The following SIPA1L3 variants were observed in gnomAD, a reference collection of about 807,000 sequenced individuals.
SIPA1L3 encodes the protein signal-induced proliferation-associated 1-like protein 3.
SIPA1L3 carries 59 observed loss-of-function variants against 150.1 expected under a neutral mutation model. That is an observed-to-expected ratio of 0.39 (90% CI 0.32 to 0.49). SIPA1L3 has a LOEUF of 0.49. Ranked by LOEUF, SIPA1L3 falls within the 20% of genes least tolerant of loss-of-function variation. SIPA1L3 has a pLI of 0.86. For missense variants in SIPA1L3, 2,211 were observed against 2,489.5 expected (o/e 0.89, Z 2.38); for synonymous variants, 1,070 against 1,077.6 (o/e 0.99, Z 0.14).
chr19:37,999,883 G>A (rs757122020), intron 1 of SIPA1L3, among the ~76,000 whole-genome samples: 94 of 152,274 alleles, frequency 6.2e-4, no homozygotes, highest in Non-Finnish European at 7.6e-4. Context: ...CCAGGGTCTT[G>A]AACAGTGTGG....
chr19:38,108,927 T>C (rs1970679634), intron 7 of SIPA1L3, among the ~76,000 whole-genome samples: 1 of 151,864 alleles, frequency 6.6e-6, no homozygotes, highest in Admixed American at 6.6e-5. Context: ...AGGTGCAGGT[T>C]GCAGTGAGCC....
At position 38,208,020 on chromosome 19, in the gene SIPA1L3, T is replaced by A. The variant is rs938051406; in HGVS notation, c.*1780T>A. On this transcript the variant is annotated 3_prime_UTR_variant, in exon 22 of 22. Coordinates refer to ENST00000222345, the MANE Select transcript of SIPA1L3 (RefSeq NM_015073.3). ...TCCCCCACCCCCACCCCTTAGACCC[T>A]CATCGGGTCCCTTTTTTTTTTTTTT... The A allele has an allele frequency of 1.9e-4, 1 of 5,240 alleles. No individual in the cohort carries two copies. Among genetic ancestry groups the A allele is most frequent in the Admixed American group, 2.3e-3 (1 of 442 alleles). The allele number at this position is 5,240 out of a possible 1,614,324, so 0.3% of individuals were successfully genotyped here.
chr19:38,126,050 T>C (rs1292056154), intron 9 of SIPA1L3, among the ~76,000 whole-genome samples: 1 of 152,108 alleles, frequency 6.6e-6, no homozygotes, highest in East Asian at 1.9e-4. Flanking sequence ...GGCGGGCTCC[T>C]GTAGTCCCAG....
At chr19:37,963,626 G>A (rs2046878731) in intron 1 of SIPA1L3, among the ~76,000 whole-genome samples, 1 of 152,200 alleles carries the variant, frequency 6.6e-6, no homozygotes, top group African/African-American at 2.4e-5. Flanking sequence ...GAAGTTCAGC[G>A]TTTATTTATT....
At chr19:37,996,137 G>A (rs1967634757) in intron 1 of SIPA1L3, among the ~76,000 whole-genome samples, 1 of 151,958 alleles carries the variant, frequency 6.6e-6, no homozygotes, top group African/African-American at 2.4e-5. Context: ...TACATTGCCA[G>A]GGCTGGTCTC....
chr19:37,912,630 G>A (rs545335193), intron 1 of SIPA1L3, among the ~76,000 whole-genome samples: 1 of 151,996 alleles, frequency 6.6e-6, no homozygotes, highest in Non-Finnish European at 1.5e-5. Flanking sequence ...CTAGTAGCTG[G>A]GGCTACAGGT....
intron 16 of SIPA1L3, among the ~76,000 whole-genome samples, chr19:38,189,329 A>C (rs7245788): frequency 0.22 from 34,038 of 151,698 alleles, 5,617 homozygotes; most frequent in African/African-American, 0.47. Context: ...TCACTGTGTT[A>C]CCCAGGCTGG....
chr19:38,080,176 C>T (rs888748641), intron 2 of SIPA1L3, among the ~76,000 whole-genome samples: 1 of 152,218 alleles, frequency 6.6e-6, no homozygotes, highest in Non-Finnish European at 1.5e-5. Flanking sequence ...CCTTCTGCAG[C>T]TTTCCTCCCC....
intron 1 of SIPA1L3, among the ~76,000 whole-genome samples, chr19:37,910,496 T>C (rs1346358920): frequency 6.8e-6 from 1 of 146,432 alleles, no homozygotes; most frequent in African/African-American, 2.6e-5. Context: ...AGCATTGCAC[T>C]CCAGCCTGTG....
intron 19 of SIPA1L3, 62 bp from the exon 20 acceptor site, chr19:38,201,800 G>A (rs530844613): frequency 2.5e-5 from 39 of 1,532,394 alleles, no homozygotes; most frequent in African/African-American, 4.1e-5. Context: ...GGCGTGGTCC[G>A]TCTGTTGCGG....
intron 2 of SIPA1L3, among the ~76,000 whole-genome samples, chr19:38,057,083 C>A (rs922522929): frequency 6.6e-6 from 1 of 151,974 alleles, no homozygotes; most frequent in Non-Finnish European, 1.5e-5. Context: ...CCAGTCTGGC[C>A]AACATGGCGA....
At chr19:38,174,252 A>G (rs975043167) in intron 15 of SIPA1L3, among the ~76,000 whole-genome samples, 2 of 152,102 alleles carry the variant, frequency 1.3e-5, no homozygotes, top group African/African-American at 4.8e-5. Context: ...CTTCTGCCCC[A>G]CAGGCCACAG....
In SIPA1L3 at chr19:38,082,600, G is replaced by C. The variant is rs766524038; in HGVS notation, c.1035G>C (p.Val345=). ...VCQKSFAHFD[V]QSMLFDLNEA... ...AGAAGAGCTTCGCCCACTTCGACGTGCAGAGCATGCTGTTCGACCTCAACG... is the reference window on the plus strand; with the variant it reads ...AGAAGAGCTTCGCCCACTTCGACGTCCAGAGCATGCTGTTCGACCTCAACG... Residue 345 remains valine (V), a synonymous_variant, in exon 3 of 22, where the codon GTG becomes GTC. Coordinates refer to ENST00000222345, the MANE Select transcript of SIPA1L3 (RefSeq NM_015073.3). The C allele has an allele frequency of 1.9e-6, 3 of 1,604,258 alleles. No homozygotes were observed. Among genetic ancestry groups the C allele is most frequent in the Non-Finnish European group, 2.5e-6 (3 of 1,179,768 alleles).
At chr19:38,199,431 T>C (rs908484431) in intron 19 of SIPA1L3, among the ~76,000 whole-genome samples, 2 of 152,180 alleles carry the variant, frequency 1.3e-5, no homozygotes, top group Non-Finnish European at 2.9e-5. Flanking sequence ...CAGAGCCCCT[T>C]ACCCACTCCC....
chr19:38,074,749 TGTG>T, intron 2 of SIPA1L3, among the ~76,000 whole-genome samples: 1 of 152,240 alleles, frequency 6.6e-6, no homozygotes, highest in Non-Finnish European at 1.5e-5. Context: ...TGTGTGTGTA[TGTG>T]GTGTTTTGTT....
At chr19:38,052,178 G>T (rs1969209864) in intron 2 of SIPA1L3, among the ~76,000 whole-genome samples, 1 of 152,188 alleles carries the variant, frequency 6.6e-6, no homozygotes, top group African/African-American at 2.4e-5. Context: ...ATTTTCCATG[G>T]TGTGTCTTCT....
At position 38,130,406 on chromosome 19, in the gene SIPA1L3, T is replaced by C. The variant is rs1040406773; in HGVS notation, c.2869-92T>C. The stretch of plus-strand genomic sequence containing the variant: ...TATTAATAGATGGGAGTTGGCAGGT[T>C]TTTGGCTTCAAAGCGGGGAACGTGA... On this transcript the variant is annotated intron_variant, in intron 9 of 21. Transcript: ENST00000222345. 2.2e-6 allele frequency: 3 copies of C among 1,390,322 alleles called. No individual in the cohort carries two copies. In the East Asian group the frequency reaches 6.9e-5, roughly 32 times the overall value. 86.1% of individuals were successfully genotyped at this position (1,390,322 alleles called of 1,614,324 possible). A position where few individuals can be genotyped will look rare whatever the true frequency, so the allele number is the denominator to read the frequency against.
chr19:38,130,214 A>G (rs914166159), intron 9 of SIPA1L3, among the ~76,000 whole-genome samples: 1 of 152,216 alleles, frequency 6.6e-6, no homozygotes, highest in African/African-American at 2.4e-5. Context: ...GACCCCAGGA[A>G]GGAGGGAGTT....
At chr19:38,176,844 G>A (rs1172106214) in intron 15 of SIPA1L3, among the ~76,000 whole-genome samples, 1 of 151,990 alleles carries the variant, frequency 6.6e-6, no homozygotes, top group East Asian at 1.9e-4. Context: ...GGTGGCACAT[G>A]CCTGTAATCC....
Sources: allele counts gnomAD v4.1 joint callset (sites outside exome capture counted in the v4.1 genomes callset), GRCh38; gene constraint gnomAD v4.1.1; transcripts MANE v1.5; gene names NCBI Gene and HGNC (gene_info 2026-07-23, HGNC 2026-07-21).